Variants in ADAM23 observed in about 807,000 individuals in gnomAD.
The protein encoded by ADAM23 is disintegrin and metalloproteinase domain-containing protein 23.
In ADAM23, 33 loss-of-function variants were observed where a neutral mutation model predicts 120.1. That is an observed-to-expected ratio of 0.27 (90% confidence interval 0.21 to 0.37). The LOEUF (loss-of-function observed/expected upper bound fraction) is 0.37, where lower values mean the gene tolerates loss of function less well. Ranked by LOEUF, ADAM23 falls within the 10% of genes least tolerant of loss-of-function variation. ADAM23 has a pLI of 1.00. For missense variants in ADAM23, 862 were observed against 1,058.2 expected (o/e 0.81, Z 2.57); for synonymous variants, 367 against 375.2 (o/e 0.98, Z 0.25).
At chr2:206,532,285 C>T (rs918867584) in intron 4 of ADAM23, among the ~76,000 whole-genome samples, 1 of 151,202 alleles carries the variant, frequency 6.6e-6, no homozygotes, top group Non-Finnish European at 1.5e-5. Flanking sequence ...TTGCAGGACA[C>T]AGAAACCTGA....
At chr2:206,503,553 C>T (rs1009132620) in intron 3 of ADAM23, among the ~76,000 whole-genome samples, 2 of 151,978 alleles carry the variant, frequency 1.3e-5, no homozygotes, top group Non-Finnish European at 2.9e-5. Context: ...GGGGGGAAAT[C>T]GTGAGACCAC....
At chr2:206,523,180 C>T (rs1052664718) in intron 3 of ADAM23, among the ~76,000 whole-genome samples, 1 of 152,116 alleles carries the variant, frequency 6.6e-6, no homozygotes, top group African/African-American at 2.4e-5. Flanking sequence ...CCTCATTATA[C>T]TAGGGTTTTC....
At chr2:206,520,141 A>G (rs572036328) in intron 3 of ADAM23, among the ~76,000 whole-genome samples, 1 of 152,200 alleles carries the variant, frequency 6.6e-6, no homozygotes, top group Non-Finnish European at 1.5e-5. Flanking sequence ...AAGGGTGACA[A>G]CTTCAAATGC....
chr2:206,459,029 T>G (rs1695359075), intron 2 of ADAM23, among the ~76,000 whole-genome samples: 1 of 152,218 alleles, frequency 6.6e-6, no homozygotes, highest in Admixed American at 6.5e-5. Flanking sequence ...GTCTTAACAG[T>G]CTTAACCAAG....
intron 11 of ADAM23, among the ~76,000 whole-genome samples, chr2:206,560,789 A>G (rs1201638938): frequency 1.5e-4 from 23 of 152,042 alleles, no homozygotes; most frequent in Admixed American, 1.4e-3. Context: ...TTAATCAGCA[A>G]TTTTTAATAA....
At position 206,542,078 on chromosome 2, in the gene ADAM23, A is replaced by C. The variant is rs1274088506; in HGVS notation, c.600A>C (p.Gly200=). Residue 200 remains glycine (G), a synonymous_variant, in exon 5 of 26, where the codon GGA becomes GGC. Coordinates refer to ENST00000264377, the MANE Select transcript of ADAM23 (RefSeq NM_003812.4). ...SKGGEHCYYH[G]SIRGVKDSKV... The stretch of plus-strand genomic sequence containing the variant: ...GTGGAGAGCACTGTTACTACCATGG[A>C]AGCATCAGAGGCGTCAAAGACTCCA... The C allele has an allele frequency of 4.3e-6, 7 of 1,614,172 alleles. No individual in the cohort carries two copies. Among genetic ancestry groups the C allele is most frequent in the Non-Finnish European group, 5.9e-6 (7 of 1,180,018 alleles).
At chr2:206,468,828 T>C (rs1695595347) in intron 2 of ADAM23, among the ~76,000 whole-genome samples, 1 of 152,230 alleles carries the variant, frequency 6.6e-6, no homozygotes, top group Non-Finnish European at 1.5e-5. Context: ...CTCATGGTTC[T>C]GTAGGCTGTA....
At chr2:206,545,335 A>T (rs1574524997) in intron 6 of ADAM23, among the ~76,000 whole-genome samples, 1 of 152,190 alleles carries the variant, frequency 6.6e-6, no homozygotes, top group East Asian at 1.9e-4. Context: ...AAAATACAAA[A>T]ATTAGCTGGG....
chr2:206,455,999 C>T (rs906625283), intron 2 of ADAM23, among the ~76,000 whole-genome samples: 2 of 152,174 alleles, frequency 1.3e-5, no homozygotes, highest in Non-Finnish European at 2.9e-5. Flanking sequence ...GTTCCAAAGG[C>T]GCTTCCACAT....
In ADAM23 at chr2:206,593,638, A is replaced by G. The variant is rs115656292; in HGVS notation, c.2078+902A>G. On this transcript the variant is annotated intron_variant, in intron 22 of 25. Coordinates refer to ENST00000264377, the MANE Select transcript of ADAM23 (RefSeq NM_003812.4). ...AAGATCCCTCCTGGAATAAATTTGT[A>G]GTCTCTAAAGCTAGTTACTTTGACG... Among the ~76,000 whole-genome samples the G allele has an allele frequency of 6.4e-3, 980 of 152,198 alleles. 19 individuals are homozygous for G. The highest frequency in any genetic ancestry group is 0.023 in the African/African-American group (943 of 41,542).
intron 6 of ADAM23, 119 bp from the exon 7 acceptor site, chr2:206,547,310 A>G: frequency 1.4e-6 from 1 of 721,274 alleles, no homozygotes; most frequent in South Asian, 2.6e-5. Context: ...TTGATAGCTA[A>G]AAAACTGACA....
At chr2:206,489,617 T>A (rs1036284901) in intron 3 of ADAM23, among the ~76,000 whole-genome samples, 3 of 152,170 alleles carry the variant, frequency 2.0e-5, no homozygotes, top group African/African-American at 7.2e-5. Context: ...GTACCCATAG[T>A]CTCCTATTTA....
At chr2:206,617,455 A>T in intron 25 of ADAM23, 124 bp from the exon 26 acceptor site, 1 of 1,057,536 alleles carries the variant, frequency 9.5e-7, no homozygotes, top group Non-Finnish European at 1.3e-6. Context: ...CCTCCATGTG[A>T]GTTAATTACT....
chr2:206,479,943 G>T (rs747058747), intron 2 of ADAM23, among the ~76,000 whole-genome samples: 7 of 152,176 alleles, frequency 4.6e-5, no homozygotes, highest in Non-Finnish European at 7.3e-5. Context: ...TTTATTTATA[G>T]TGTTTTATGG....
chr2:206,443,871 A>T lies in ADAM23; in HGVS notation c.5A>T (p.Lys2Met). The T allele has an allele frequency of 1.8e-6, 2 of 1,141,570 alleles. No individual in the cohort carries two copies. Among genetic ancestry groups the T allele is most frequent in the Non-Finnish European group, 1.1e-6 (1 of 932,680 alleles). 70.7% of individuals were successfully genotyped at this position (1,141,570 alleles called of 1,614,324 possible). The change falls in exon 1 of 26, where the codon AAG becomes ATG. Residue 2 changes from lysine to methionine, a missense_variant. Physicochemically the swap from Lys to Met is moderately conservative, Grantham distance 95 (BLOSUM62 -1). Around this residue, in one of 4 missense-constraint regions of ADAM23, gnomAD observed 225 missense variants for 204.0 expected, o/e 1.10. Coordinates refer to ENST00000264377, the MANE Select transcript of ADAM23 (RefSeq NM_003812.4). MKPPGSSSRQPP... is the reference protein window; with the variant it reads MMPPGSSSRQPP... ...GGCGCCCGGGAGCTATGAGCCATGA[A>T]GCCGCCCGGCAGCAGCTCGCGGCAG...
At chr2:206,467,841 T>C (rs2105865682) in intron 2 of ADAM23, among the ~76,000 whole-genome samples, 1 of 152,294 alleles carries the variant, frequency 6.6e-6, no homozygotes, top group East Asian at 1.9e-4. Flanking sequence ...CCCCTTGAAG[T>C]CCAGGCAGAG....
chr2:206,460,653 C>A (rs1695398654), intron 2 of ADAM23, among the ~76,000 whole-genome samples: 1 of 152,178 alleles, frequency 6.6e-6, no homozygotes, highest in South Asian at 2.1e-4. Flanking sequence ...TTACCAGATA[C>A]ATGATTTACA....
At chr2:206,461,062 T>C (rs1337328393) in intron 2 of ADAM23, among the ~76,000 whole-genome samples, 1 of 150,520 alleles carries the variant, frequency 6.6e-6, no homozygotes, top group East Asian at 1.9e-4. Flanking sequence ...TTTTTCTTCT[T>C]CTTTTTTTTT....
At chr2:206,458,173 A>G (rs532074451) in intron 2 of ADAM23, among the ~76,000 whole-genome samples, 30 of 76,230 alleles carry the variant, frequency 3.9e-4, no homozygotes, top group African/African-American at 1.5e-3. Flanking sequence ...GTTACCAACT[A>G]TCTGGAACTG....
Sources: gnomAD v4.1 joint callset for allele counts (sites outside exome capture counted in the v4.1 genomes callset) on GRCh38, gnomAD v4.1.1 for gene constraint, gnomAD v4.1.1 regional missense constraint, MANE v1.5 for transcripts, NCBI Gene and HGNC (gene_info 2026-07-23, HGNC 2026-07-21) for gene names.